ANGPT2: variants seen among roughly 807,000 people sequenced by gnomAD.
ANGPT2 encodes angiopoietin 2.
In ANGPT2, 28 loss-of-function variants were observed where a neutral mutation model predicts 62.9. The ratio of observed to expected loss-of-function variants is 0.44; its 90% CI spans 0.33 to 0.61. ANGPT2 has a LOEUF of 0.61. Ranked by LOEUF, ANGPT2 falls within the 20% of genes least tolerant of loss-of-function variation. The pLI, the probability that ANGPT2 is intolerant of heterozygous loss-of-function variation, is 0.03. For missense variants in ANGPT2, 727 were observed against 594.9 expected (o/e 1.22, Z -2.31); for synonymous variants, 284 against 207.8 (o/e 1.37, Z -3.15).
At chr8:6,516,313 A>G (rs150929433) in intron 5 of ANGPT2, among the ~76,000 whole-genome samples, 1 of 152,174 alleles carries the variant, frequency 6.6e-6, no homozygotes, top group Admixed American at 6.5e-5. Context: ...TCTCACAGCA[A>G]CTCTGCTGTA....
intron 5 of ANGPT2, among the ~76,000 whole-genome samples, chr8:6,519,637 A>G (rs1463697668): frequency 6.6e-6 from 1 of 152,228 alleles, no homozygotes; most frequent in Non-Finnish European, 1.5e-5. Flanking sequence ...AAGATAAGAT[A>G]GACATTTCTA....
Position 6,532,496 on chromosome 8 carries a change from G to A in ANGPT2, c.289-9C>T. On this transcript the variant is annotated splice_polypyrimidine_tract_variant and intron_variant, in intron 1 of 8. Coordinates refer to ENST00000629816, the MANE Select transcript of ANGPT2 (RefSeq NM_001118887.2). The stretch of plus-strand genomic sequence containing the variant: ...TGGATATAATTCTCAAGCTAGAAAA[G>A]AACAGTGTTAGAAGGCAGTCATTAG... 6.3e-7 allele frequency: 1 copy of A among 1,594,576 alleles called. No individual in the cohort carries two copies. Among genetic ancestry groups the A allele is most frequent in the Admixed American group, 1.7e-5 (1 of 58,234 alleles).
intron 8 of ANGPT2, among the ~76,000 whole-genome samples, 194 bp from the exon 9 acceptor site, chr8:6,503,455 A>T (rs895107220): frequency 2.0e-5 from 3 of 152,206 alleles, no homozygotes; most frequent in African/African-American, 7.2e-5. Flanking sequence ...TCACAGTTCC[A>T]TTACGGCAAA....
chr8:6,547,248 C>A (rs980141321), intron 1 of ANGPT2, among the ~76,000 whole-genome samples: 4 of 152,036 alleles, frequency 2.6e-5, no homozygotes, highest in Non-Finnish European at 4.4e-5. Context: ...CACAGCAATT[C>A]GGGAAGTAAA....
chr8:6,519,962 G>T lies in ANGPT2; in HGVS notation c.829C>A (p.Gln277Lys), dbSNP rs1817002802. The T allele has an allele frequency of 3.1e-6, 5 of 1,614,064 alleles. No homozygotes were observed. Among genetic ancestry groups the T allele is most frequent in the Middle Eastern group, 1.6e-4 (1 of 6,062 alleles). Residue 277 changes from glutamine to lysine, a missense_variant, in exon 5 of 9, where the codon CAA (glutamine) becomes AAA (lysine). Gln to Lys is a moderately conservative substitution (Grantham distance 53, BLOSUM62 1). Coordinates refer to ENST00000629816, the MANE Select transcript of ANGPT2 (RefSeq NM_001118887.2). Reference protein sequence around the residue: ...SKDPTVAKEEQISFRDCAEVF... With the variant: ...SKDPTVAKEEKISFRDCAEVF... ...TCAGCACAGTCTCTGAAGCTGATTT[G>T]TTCTTCTTTAGCAACAGTGGGGTCC...
chr8:6,562,878 A>G lies in ANGPT2; in HGVS notation c.57T>C (p.Tyr19=), dbSNP rs1276368906. The G allele has an allele frequency of 1.2e-6, 2 of 1,610,952 alleles. No homozygotes were observed. Among genetic ancestry groups the G allele is most frequent in the Non-Finnish European group, 1.7e-6 (2 of 1,177,578 alleles). ...LSCDLVLAAA[Y]NNFRKSMDSI... The stretch of plus-strand genomic sequence containing the variant: ...TGTCCATGCTCTTCCGAAAGTTGTT[A>G]TAGGCTGCGGCCAAGACAAGATCAC... Residue 19 remains tyrosine (Y), a synonymous_variant, in exon 1 of 9, where the codon TAT becomes TAC. Transcript: ENST00000629816.
chr8:6,541,631 T>G (rs867226550), intron 1 of ANGPT2, among the ~76,000 whole-genome samples: 27 of 152,132 alleles, frequency 1.8e-4, no homozygotes, highest in Admixed American at 1.3e-4. Flanking sequence ...CTTTGTTAAA[T>G]TCTCAGCTTA....
chr8:6,518,503 G>A (rs768559489), intron 5 of ANGPT2, among the ~76,000 whole-genome samples: 1 of 152,090 alleles, frequency 6.6e-6, no homozygotes, highest in Non-Finnish European at 1.5e-5. Flanking sequence ...AGGTTTCTTT[G>A]GAAAGCATTA....
chr8:6,514,514 C>G (rs112576748), intron 6 of ANGPT2, among the ~76,000 whole-genome samples, 163 bp downstream of exon 6: 9 of 152,056 alleles, frequency 5.9e-5, no homozygotes, highest in African/African-American at 1.9e-4. Context: ...ATACAGTTTA[C>G]CTTATATTGG....
At chr8:6,541,005 G>C (rs1821451734) in intron 1 of ANGPT2, among the ~76,000 whole-genome samples, 1 of 148,776 alleles carries the variant, frequency 6.7e-6, no homozygotes, top group South Asian at 2.2e-4. Context: ...TCATGACCCA[G>C]GTTTTGGAGC....
chr8:6,523,466 C>A (rs1354824129), intron 3 of ANGPT2, among the ~76,000 whole-genome samples: 2 of 152,162 alleles, frequency 1.3e-5, no homozygotes, highest in Non-Finnish European at 2.9e-5. Context: ...AAAATAGTTC[C>A]TGTCCATTAA....
At chr8:6,541,054 C>T (rs1329050321) in intron 1 of ANGPT2, among the ~76,000 whole-genome samples, 1 of 152,126 alleles carries the variant, frequency 6.6e-6, no homozygotes, top group Non-Finnish European at 1.5e-5. Flanking sequence ...TCATGGGTGT[C>T]CCGAGGCAGC....
intron 1 of ANGPT2, among the ~76,000 whole-genome samples, chr8:6,544,839 G>A (rs1037201967): frequency 1.7e-4 from 26 of 152,156 alleles, no homozygotes; most frequent in East Asian, 3.8e-4. Flanking sequence ...AGGAAGACTC[G>A]AAATATGTTT....
intron 5 of ANGPT2, 44 bp downstream of exon 5, chr8:6,519,820 C>G: frequency 6.2e-7 from 1 of 1,604,078 alleles, no homozygotes; most frequent in Non-Finnish European, 8.5e-7. Context: ...CTAAAGTGGC[C>G]TGCCTAGAGC....
At chr8:6,517,738 A>G (rs2058819827) in intron 5 of ANGPT2, among the ~76,000 whole-genome samples, 1 of 152,180 alleles carries the variant, frequency 6.6e-6, no homozygotes, top group South Asian at 2.1e-4. Flanking sequence ...CAGATGGGGA[A>G]ACTGAGCTCT....
chr8:6,539,328 G>A (rs560758419), intron 1 of ANGPT2, among the ~76,000 whole-genome samples: 1 of 152,326 alleles, frequency 6.6e-6, no homozygotes, highest in Admixed American at 6.5e-5. Context: ...CTTGCCATCT[G>A]TTGACTGTTT....
intron 5 of ANGPT2, among the ~76,000 whole-genome samples, chr8:6,517,361 C>T (rs1816462526): frequency 6.6e-6 from 1 of 152,162 alleles, no homozygotes; most frequent in Admixed American, 6.5e-5. Flanking sequence ...AATAGCAAAC[C>T]ATAGAGACAA....
In ANGPT2 at chr8:6,514,764, C is replaced by A. The variant is rs1319607077; in HGVS notation, c.942G>T (p.Met314Ile). Residue 314 changes from methionine to isoleucine, a missense_variant, in exon 6 of 9, where the codon ATG becomes ATT. By Grantham distance (10) the Met-to-Ile change is conservative (BLOSUM62 1). Coordinates refer to ENST00000629816, the MANE Select transcript of ANGPT2 (RefSeq NM_001118887.2). ...TTGTCCACCCGCCTCCTCCAGCTTC[C>A]ATGTCACAGTAGGCCTGCAAACAGG... is the stretch of plus-strand genomic sequence containing the variant. ...STEEIKAYCD[M>I]EAGGGGWTII... The A allele has an allele frequency of 6.2e-7, 1 of 1,613,928 alleles. No homozygotes were observed. Among genetic ancestry groups the A allele is most frequent in the Non-Finnish European group, 8.5e-7 (1 of 1,180,010 alleles).
At chr8:6,523,261 T>G (rs1418553875) in intron 3 of ANGPT2, among the ~76,000 whole-genome samples, 1 of 152,092 alleles carries the variant, frequency 6.6e-6, no homozygotes, top group Non-Finnish European at 1.5e-5. Flanking sequence ...CCTCCCAAAG[T>G]GCTGGGATTA....
Sources: allele counts gnomAD v4.1 joint callset (sites outside exome capture counted in the v4.1 genomes callset), GRCh38; gene constraint gnomAD v4.1.1; transcripts MANE v1.5; gene names NCBI Gene and HGNC (gene_info 2026-07-23, HGNC 2026-07-21).